LPP: variants seen among roughly 807,000 people sequenced by gnomAD.
The protein encoded by LPP is lipoma-preferred partner.
LPP carries 38 observed loss-of-function variants against 60.4 expected under a neutral mutation model. The observed-to-expected ratio is 0.63, with a 90% CI of 0.49 to 0.83. The LOEUF is 0.83. Ranked by LOEUF, LPP falls within the 40% of genes least tolerant of loss-of-function variation. LPP has a pLI of 0.00. For synonymous variants in LPP, 328 were observed against 290.8 expected (o/e 1.13, Z -1.30); for missense variants, 902 against 783.6 (o/e 1.15, Z -1.80).
intron 9 of LPP, among the ~76,000 whole-genome samples, chr3:188,850,293 A>T (rs996918696): frequency 2.0e-5 from 3 of 152,238 alleles, no homozygotes; most frequent in African/African-American, 7.2e-5. Flanking sequence ...GGCAAAATTA[A>T]TAGGACTTGA....
At chr3:188,306,967 C>T (rs1277590270) in intron 2 of LPP, among the ~76,000 whole-genome samples, 1 of 152,180 alleles carries the variant, frequency 6.6e-6, no homozygotes, top group Non-Finnish European at 1.5e-5. Context: ...GCAAACAGAA[C>T]CCGTCTAAGG....
chr3:188,762,029 T>C (rs1732534736), intron 9 of LPP, among the ~76,000 whole-genome samples: 1 of 152,044 alleles, frequency 6.6e-6, no homozygotes, highest in South Asian at 2.1e-4. Flanking sequence ...ATAGCTCCTG[T>C]CTATTTTTTA....
chr3:188,220,358 T>A (rs940953358), intron 1 of LPP, among the ~76,000 whole-genome samples: 22 of 152,186 alleles, frequency 1.4e-4, no homozygotes, highest in African/African-American at 5.3e-4. Context: ...CCTCCCTTAC[T>A]TGATGTCTTA....
chr3:188,577,844 C>CTTT (rs1835109833), intron 6 of LPP, among the ~76,000 whole-genome samples: 1 of 121,492 alleles, frequency 8.2e-6, no homozygotes, highest in Non-Finnish European at 1.7e-5. Context: ...TCTTTCTTGC[C>CTTT]CTTTCTCTCT....
chr3:188,571,508 G>T (rs1015003629), intron 6 of LPP, among the ~76,000 whole-genome samples: 1 of 151,746 alleles, frequency 6.6e-6, no homozygotes, highest in East Asian at 1.9e-4. Flanking sequence ...TTTCCTTTTG[G>T]TTTGCTTTAA....
chr3:188,499,602 T>C (rs944717986), intron 5 of LPP, among the ~76,000 whole-genome samples: 2 of 152,234 alleles, frequency 1.3e-5, no homozygotes, highest in South Asian at 4.1e-4. Context: ...GGTCATTTCA[T>C]ATTCCATATG....
intron 7 of LPP, among the ~76,000 whole-genome samples, chr3:188,659,572 G>A (rs1459274850): frequency 6.6e-6 from 1 of 152,026 alleles, no homozygotes; most frequent in Non-Finnish European, 1.5e-5. Context: ...TGAGAGCCTG[G>A]CAGGCAAGCA....
rs563445103 is a variant in LPP at position 188,405,211 on chromosome 3, C to T, written c.-9-901C>T. Among the ~76,000 whole-genome samples the T allele has an allele frequency of 1.5e-4, 23 of 152,258 alleles. No individual in the cohort carries two copies. The South Asian group carries it at 4.8e-3, about 32-fold the overall frequency. Reference sequence around the variant, plus strand: ...CAGACGTTGGGGCAACCAATATGCCCCTCTTCCCCTTTTCCACATACCCCT... The same window carrying T: ...CAGACGTTGGGGCAACCAATATGCCTCTCTTCCCCTTTTCCACATACCCCT... On this transcript the variant is annotated intron_variant, in intron 3 of 11. Transcript: ENST00000617246.
At chr3:188,544,725 A>G (rs1226264424) in intron 6 of LPP, among the ~76,000 whole-genome samples, 1 of 75,164 alleles carries the variant, frequency 1.3e-5, no homozygotes, top group Non-Finnish European at 2.7e-5. Flanking sequence ...AACTAGAAAT[A>G]CCATTTGACC....
At chr3:188,192,709 C>T (rs1577208670) in intron 1 of LPP, among the ~76,000 whole-genome samples, 2 of 152,290 alleles carry the variant, frequency 1.3e-5, no homozygotes, top group African/African-American at 4.8e-5. Flanking sequence ...GAACGTTCCG[C>T]TTTTCCACTG....
At chr3:188,269,683 C>CGTGTGTG (rs1736994597) in intron 2 of LPP, among the ~76,000 whole-genome samples, 1 of 83,102 alleles carries the variant, frequency 1.2e-5, no homozygotes, top group African/African-American at 5.5e-5. Flanking sequence ...GTGTGTGTCA[C>CGTGTGTG]TCTGTCTCCC....
chr3:188,846,014 C>A (rs1761296766), intron 9 of LPP, among the ~76,000 whole-genome samples: 1 of 152,200 alleles, frequency 6.6e-6, no homozygotes. Flanking sequence ...AAAATCAATT[C>A]TTTGCATTTG....
intron 4 of LPP, among the ~76,000 whole-genome samples, chr3:188,462,206 T>C (rs1169011522): frequency 6.6e-6 from 1 of 151,872 alleles, no homozygotes; most frequent in Non-Finnish European, 1.5e-5. Flanking sequence ...CGTCTCTTTT[T>C]TGAAAAACTA....
At chr3:188,221,595 C>T (rs186568110) in intron 1 of LPP, among the ~76,000 whole-genome samples, 149 of 152,250 alleles carry the variant, frequency 9.8e-4, no homozygotes, top group Non-Finnish European at 1.7e-3. Context: ...ATCATGAGCC[C>T]GGCCATTCGA....
In LPP at chr3:188,876,305, A is replaced by C. The variant is rs1455449053; in HGVS notation, c.*1826A>C. ...ACTAGAAATTCTTAAGCCGATGGTC[A>C]CTATAGCTCATCCTTAATGTATGGC... On this transcript the variant is annotated 3_prime_UTR_variant, in exon 12 of 12. Transcript: ENST00000617246. The C allele has an allele frequency of 5.3e-6, 1 of 190,088 alleles. No homozygotes were observed. The highest frequency in any genetic ancestry group is 8.4e-5 in the East Asian group (1 of 11,840). 11.8% of individuals were successfully genotyped at this position (190,088 alleles called of 1,614,324 possible).
chr3:188,637,197 G>T (rs1005567944), intron 7 of LPP, among the ~76,000 whole-genome samples: 1 of 151,790 alleles, frequency 6.6e-6, no homozygotes, highest in Non-Finnish European at 1.5e-5. Flanking sequence ...CTAGAACTCA[G>T]GATTAAGAAT....
Position 188,879,421 on chromosome 3 carries a change from T to C in LPP, c.*4942T>C, listed in dbSNP as rs1769661092. 4.7e-6 allele frequency: 1 copy of C among 212,868 alleles called. No homozygotes were observed. The allele number at this position is 212,868 out of a possible 1,614,324, so 13.2% of individuals were successfully genotyped here. A position where few individuals can be genotyped will look rare whatever the true frequency, so the allele number is the denominator to read the frequency against. Reference sequence around the variant, plus strand: ...ATAAGGGGAAGGCTACCAGAAAATATATGTGGCATCCATAAAATCTTCTTT... The same window carrying C: ...ATAAGGGGAAGGCTACCAGAAAATACATGTGGCATCCATAAAATCTTCTTT... On this transcript the variant is annotated 3_prime_UTR_variant, in exon 12 of 12. Transcript: ENST00000617246.
At chr3:188,265,359 C>A (rs1224776252) in intron 2 of LPP, among the ~76,000 whole-genome samples, 3 of 152,132 alleles carry the variant, frequency 2.0e-5, no homozygotes, top group Non-Finnish European at 4.4e-5. Context: ...TGAAAGAGGA[C>A]CCCTGTCTGC....
chr3:188,255,705 A>G (rs1218915625), intron 2 of LPP, among the ~76,000 whole-genome samples: 1 of 152,208 alleles, frequency 6.6e-6, no homozygotes, highest in Non-Finnish European at 1.5e-5. Context: ...CCATGCTGAC[A>G]CTAAAAATCT....
Sources: gnomAD v4.1 joint callset for allele counts (sites outside exome capture counted in the v4.1 genomes callset) on GRCh38, gnomAD v4.1.1 for gene constraint, MANE v1.5 for transcripts, NCBI Gene and HGNC (gene_info 2026-07-23, HGNC 2026-07-21) for gene names.